MAF: variants seen among roughly 807,000 people sequenced by gnomAD.
The protein encoded by MAF is MAF bZIP transcription factor.
In MAF, 10 loss-of-function variants were observed where a neutral mutation model predicts 22.0. The observed-to-expected ratio is 0.45, with a 90% confidence interval of 0.28 to 0.77. The LOEUF is 0.77. Ranked by LOEUF, MAF falls within the 30% of genes least tolerant of loss-of-function variation. The probability of loss-of-function intolerance (pLI) is 0.12; values close to 1 mark genes in which losing one functional copy is unlikely to be tolerated. For missense variants in MAF, 544 were observed against 548.4 expected, an observed-to-expected ratio of 0.99 and a Z score of 0.08; for synonymous variants, 337 against 255.8, an observed-to-expected ratio of 1.32 and a Z score of -3.03.
chr16:79,510,972 C>T, the MAF span, among the ~76,000 whole-genome samples: 3 of 152,098 alleles, frequency 2.0e-5, no homozygotes, highest in Non-Finnish European at 4.4e-5. Flanking sequence ...AAAAGAAGCC[C>T]AGCTAATTGT....
chr16:79,598,450 G>A, intron 1 of MAF: 2 of 958,724 alleles, frequency 2.1e-6, no homozygotes. Context: ...TGGGGCGGGG[G>A]GGTGTAAAAA....
the MAF span, among the ~76,000 whole-genome samples, chr16:79,468,423 A>C: frequency 6.6e-6 from 1 of 152,126 alleles, no homozygotes; most frequent in African/African-American, 2.4e-5. Context: ...CTCATGGCAA[A>C]TGTGTCCTCT....
chr16:79,401,707 G>A, the MAF span, among the ~76,000 whole-genome samples: 21 of 152,240 alleles, frequency 1.4e-4, no homozygotes, highest in African/African-American at 4.1e-4. Flanking sequence ...TTTTCGGGCC[G>A]TGTGGTACGC....
chr16:79,209,784 G>A, the MAF span, among the ~76,000 whole-genome samples: 9 of 152,180 alleles, frequency 5.9e-5, no homozygotes, highest in African/African-American at 1.4e-4. Context: ...CCCCACATGG[G>A]ATGCAGAAGA....
At chr16:79,252,385 T>C in the MAF span, among the ~76,000 whole-genome samples, 1,674 of 151,936 alleles carry the variant, frequency 0.011, 36 homozygotes, top group African/African-American at 0.038. Flanking sequence ...CCTCAAAATG[T>C]AAAACGATTC....
the MAF span, among the ~76,000 whole-genome samples, chr16:79,260,467 C>CTATATG: frequency 6.8e-6 from 1 of 148,144 alleles, no homozygotes; most frequent in South Asian, 2.1e-4. Flanking sequence ...ATCTATCTAT[C>CTATATG]TATATCTATA....
At chr16:79,463,333 T>C in the MAF span, among the ~76,000 whole-genome samples, 22 of 152,320 alleles carry the variant, frequency 1.4e-4, no homozygotes, top group African/African-American at 5.1e-4. Flanking sequence ...CTGATTTACA[T>C]TTTAATAAGA....
the MAF span, among the ~76,000 whole-genome samples, chr16:79,437,859 G>A: frequency 4.6e-5 from 7 of 152,076 alleles, no homozygotes; most frequent in Admixed American, 3.9e-4. Flanking sequence ...CCCACATGCT[G>A]AGACGTGGGC....
the MAF span, among the ~76,000 whole-genome samples, chr16:79,376,046 T>A: frequency 6.6e-6 from 1 of 152,148 alleles, no homozygotes; most frequent in Non-Finnish European, 1.5e-5. Context: ...GCAGACTTTT[T>A]TCAAAACATT....
chr16:79,383,447 T>G, the MAF span, among the ~76,000 whole-genome samples: 1 of 152,184 alleles, frequency 6.6e-6, no homozygotes, highest in Non-Finnish European at 1.5e-5. Context: ...ATCTATATGA[T>G]GGTAAACTTT....
At chr16:79,308,476 GA>G in the MAF span, among the ~76,000 whole-genome samples, 1 of 151,994 alleles carries the variant, frequency 6.6e-6, no homozygotes. Flanking sequence ...AAATGGGGGT[GA>G]AAAGGTATTT....
At chr16:79,565,511 G>GT in the MAF span, among the ~76,000 whole-genome samples, 1 of 152,088 alleles carries the variant, frequency 6.6e-6, no homozygotes, top group Non-Finnish European at 1.5e-5. Flanking sequence ...TGTTGTGGGG[G>GT]GGGGGACCAG....
At chr16:79,212,030 G>A in the MAF span, 95 of 1,536,104 alleles carry the variant, frequency 6.2e-5, no homozygotes, top group Non-Finnish European at 7.6e-5. Flanking sequence ...TTGCTTTCTG[G>A]TGGTGGCCTG....
At chr16:79,369,545 G>A in the MAF span, among the ~76,000 whole-genome samples, 1 of 152,176 alleles carries the variant, frequency 6.6e-6, no homozygotes, top group Admixed American at 6.5e-5. Flanking sequence ...TCATCTGTTT[G>A]TTTGCAAATA....
the MAF span, among the ~76,000 whole-genome samples, chr16:79,462,636 T>C: frequency 6.6e-6 from 1 of 152,318 alleles, no homozygotes; most frequent in African/African-American, 2.4e-5. Flanking sequence ...CACACATGTA[T>C]ACAAACACAC....
chr16:79,396,116 G>C, the MAF span, among the ~76,000 whole-genome samples: 1 of 152,182 alleles, frequency 6.6e-6, no homozygotes, highest in Non-Finnish European at 1.5e-5. Context: ...AGGATCTTAA[G>C]CACAATCTGA....
At chr16:79,554,338 G>T in the MAF span, among the ~76,000 whole-genome samples, 1 of 152,094 alleles carries the variant, frequency 6.6e-6, no homozygotes, top group Non-Finnish European at 1.5e-5. Context: ...CATGTCTGCT[G>T]GTCTCTAGAG....
At chr16:79,539,974 A>AAT in the MAF span, among the ~76,000 whole-genome samples, 10 of 152,118 alleles carry the variant, frequency 6.6e-5, no homozygotes, top group African/African-American at 1.7e-4. Flanking sequence ...GTAACAAAAA[A>AAT]ATATATATAT....
chr16:79,411,537 T>G, the MAF span, among the ~76,000 whole-genome samples: 2 of 152,190 alleles, frequency 1.3e-5, no homozygotes, highest in Non-Finnish European at 2.9e-5. Context: ...AGGGGTCTGT[T>G]TGGGCTTCTT....
Sources: allele counts gnomAD v4.1 joint callset (sites outside exome capture counted in the v4.1 genomes callset), GRCh38; gene constraint gnomAD v4.1.1; transcripts MANE v1.5; gene names NCBI Gene and HGNC (gene_info 2026-07-23, HGNC 2026-07-21).